Variants in ZNF613 observed in about 807,000 individuals in gnomAD.
ZNF613 encodes zinc finger protein 613.
Under a neutral mutation model 14.3 loss-of-function variants are expected in ZNF613, and 8 were observed. That is an observed-to-expected ratio of 0.56 (90% CI 0.33 to 1.01). The LOEUF (loss-of-function observed/expected upper bound fraction) is 1.01, where lower values mean the gene tolerates loss of function less well. Among genes scored for constraint, ZNF613 ranks in the 50% least tolerant of loss-of-function variants. ZNF613 has a pLI of 0.03. For synonymous variants in ZNF613, 228 were observed against 254.5 expected (o/e 0.90, Z 0.99); for missense variants, 656 against 741.9 (o/e 0.88, Z 1.35).
chr19:51,944,469 C>G lies in ZNF613; in HGVS notation c.586C>G (p.Arg196Gly). Reference sequence around the variant, plus strand: ...AAATTCACAATTCATTAAGCATCAGCGAACTCAAAACATAGATAAACCCCA... The same window carrying G: ...AAATTCACAATTCATTAAGCATCAGGGAACTCAAAACATAGATAAACCCCA... The part of the protein sequence containing the change: ...NTNSQFIKHQ[R>G]TQNIDKPHVC... The change falls in exon 6 of 6, where the codon CGA becomes GGA. Residue 196 changes from arginine to glycine, a missense_variant. By Grantham distance (125) the Arg-to-Gly change is moderately radical (BLOSUM62 -2). Coordinates refer to ENST00000293471, the MANE Select transcript of ZNF613 (RefSeq NM_001031721.4). The G allele has an allele frequency of 6.2e-7, 1 of 1,602,670 alleles. No individual in the cohort carries two copies. Among genetic ancestry groups the G allele is most frequent in the Non-Finnish European group, 8.5e-7 (1 of 1,172,134 alleles).
chr19:51,939,694 T>C (rs1045677421), intron 3 of ZNF613, among the ~76,000 whole-genome samples: 1 of 152,176 alleles, frequency 6.6e-6, no homozygotes, highest in Non-Finnish European at 1.5e-5. Context: ...AATTGTCTCT[T>C]GTTCTTTGGA....
At chr19:51,930,207 A>C (rs993325731) in intron 2 of ZNF613, among the ~76,000 whole-genome samples, 3 of 151,504 alleles carry the variant, frequency 2.0e-5, no homozygotes, top group African/African-American at 7.3e-5. Context: ...ATTTCATTTC[A>C]TGTAAACGCT....
intron 5 of ZNF613, chr19:51,942,807 T>G (rs2085361632): frequency 6.6e-6 from 1 of 152,202 alleles, no homozygotes; most frequent in Non-Finnish European, 1.5e-5. Flanking sequence ...CAAGCGATTC[T>G]CCTGCTTCAG....
chr19:51,932,587 G>A (rs943040799), intron 2 of ZNF613, among the ~76,000 whole-genome samples: 2 of 151,918 alleles, frequency 1.3e-5, no homozygotes, highest in Non-Finnish European at 2.9e-5. Flanking sequence ...GTGAGCCACC[G>A]CACCAGGCCA....
At position 51,946,567 on chromosome 19, in the gene ZNF613, G is replaced by GT. The variant is rs1257953273; in HGVS notation, c.*833dup. On this transcript the variant is annotated 3_prime_UTR_variant, in exon 6 of 6. Coordinates refer to ENST00000293471, the MANE Select transcript of ZNF613 (RefSeq NM_001031721.4). Reference sequence around the variant, plus strand: ...AATGTAACACAACAAGTTTGGATGTGTTTAACTTTATAAATAATCACCCCA... The same window carrying GT: ...AATGTAACACAACAAGTTTGGATGTGTTTTAACTTTATAAATAATCACCCCA... The GT allele has an allele frequency of 2.0e-5, 3 of 147,936 alleles. No homozygotes were observed. The highest frequency in any genetic ancestry group is 7.8e-5 in the African/African-American group (3 of 38,406). The allele number at this position is 147,936 out of a possible 1,614,324, so 9.2% of individuals were successfully genotyped here.
intron 1 of ZNF613, among the ~76,000 whole-genome samples, chr19:51,928,759 G>A (rs566660291): frequency 6.6e-6 from 1 of 151,842 alleles, no homozygotes; most frequent in South Asian, 2.1e-4. Flanking sequence ...GGAGGCTGAG[G>A]TGGGACGATC....
Position 51,936,099 on chromosome 19 carries a change from A to G in ZNF613, c.-122A>G, listed in dbSNP as rs1259953463. ...GAGGAGGTTCCAGGACCTGGATACC[A>G]TCCTTTGCAGGGATGTAATTCACCA... On this transcript the variant is annotated 5_prime_UTR_variant, in exon 3 of 6. Transcript: ENST00000293471. 3 of 1,044,622 alleles carry G rather than the reference A, an allele frequency of 2.9e-6. No homozygotes were observed. The East Asian group carries it at 7.6e-5, about 27-fold the overall frequency. 64.7% of individuals were successfully genotyped at this position (1,044,622 alleles called of 1,614,324 possible).
chr19:51,933,721 G>C (rs911631290), intron 2 of ZNF613, among the ~76,000 whole-genome samples: 1 of 152,318 alleles, frequency 6.6e-6, no homozygotes, highest in East Asian at 1.9e-4. Context: ...AGCTGGGGAG[G>C]GGGTGGAGCA....
In ZNF613 at chr19:51,940,684, T is replaced by C; in HGVS notation, c.210T>C (p.Asn70=). The C allele has an allele frequency of 1.2e-6, 2 of 1,613,022 alleles. No individual in the cohort carries two copies. Among genetic ancestry groups the C allele is most frequent in the Non-Finnish European group, 8.5e-7 (1 of 1,179,516 alleles). ...AAGGAGAGCCATGGACAGTAGAAAA[T>C]GAAATCCACAGCCAAATCTGTCCAG... ...LEQGEPWTVE[N]EIHSQICPEI... Residue 70 remains asparagine, a synonymous_variant, in exon 5 of 6, where the codon AAT becomes AAC. Coordinates refer to ENST00000293471, the MANE Select transcript of ZNF613 (RefSeq NM_001031721.4).
In ZNF613 at chr19:51,944,187, C is replaced by A; in HGVS notation, c.304C>A (p.Gln102Lys). ...QKQRCLKRVE[Q>K]CHKHNAFGNI... is the part of the protein sequence containing the mutation. ...GCAAAGATGTCTGAAGAGAGTGGAA[C>A]AATGCCATAAACATAATGCATTTGG... The change falls in exon 6 of 6, where the codon CAA (glutamine) becomes AAA (lysine). Residue 102 changes from glutamine (Q) to lysine (K), a missense_variant. Gln to Lys is a moderately conservative substitution (Grantham distance 53, BLOSUM62 1). Transcript: ENST00000293471. 1.3e-6 allele frequency: 2 copies of A among 1,595,238 alleles called. No homozygotes were observed. Among genetic ancestry groups the A allele is most frequent in the Non-Finnish European group, 8.5e-7 (1 of 1,169,896 alleles).
intron 1 of ZNF613, among the ~76,000 whole-genome samples, chr19:51,929,036 C>T (rs2085242882): frequency 6.6e-6 from 1 of 152,078 alleles, no homozygotes; most frequent in Admixed American, 6.6e-5. Context: ...TCTCTCTTAT[C>T]CCAAAATGTG....
chr19:51,932,330 A>G (rs2122807048), intron 2 of ZNF613, among the ~76,000 whole-genome samples: 1 of 108,904 alleles, frequency 9.2e-6, no homozygotes, highest in South Asian at 3.1e-4. Flanking sequence ...TTTTTTTGAG[A>G]CAGAGTTTCA....
Position 51,944,123 on chromosome 19 carries a change from C to A in ZNF613, c.240C>A (p.Ile80=). 6.6e-7 allele frequency: 1 copy of A among 1,521,890 alleles called. No individual in the cohort carries two copies. Among genetic ancestry groups the A allele is most frequent in the South Asian group, 1.3e-5 (1 of 75,944 alleles). 94.3% of individuals were successfully genotyped at this position (1,521,890 alleles called of 1,614,324 possible). A position where few individuals can be genotyped will look rare whatever the true frequency, so the allele number is the denominator to read the frequency against. ...TATTGTTCTCTTCTTTCCTAGAAAT[C>A]AAGAAAGTTGACAATCATCTACAGA... ...NEIHSQICPE[I]KKVDNHLQMH... is the part of the protein sequence containing the mutation. The change falls in exon 6 of 6, where the codon ATC becomes ATA. Residue 80 remains isoleucine (I), a synonymous_variant. Coordinates refer to ENST00000293471, the MANE Select transcript of ZNF613 (RefSeq NM_001031721.4).
chr19:51,937,972 C>A (rs903695861), intron 3 of ZNF613, among the ~76,000 whole-genome samples: 5 of 151,924 alleles, frequency 3.3e-5, no homozygotes, highest in Non-Finnish European at 5.9e-5. Context: ...CTCAAATGAT[C>A]CTCCCACCTC....
At chr19:51,943,997 C>G in intron 5 of ZNF613, 122 bp from the exon 6 acceptor site, 1 of 643,688 alleles carries the variant, frequency 1.6e-6, no homozygotes. Flanking sequence ...ATAGGCATAT[C>G]TACTTGGAGT....
chr19:51,945,717 A>G lies in ZNF613; in HGVS notation c.1834A>G (p.Ser612Gly). The G allele has an allele frequency of 6.2e-7, 1 of 1,614,172 alleles. No individual in the cohort carries two copies. The highest frequency in any genetic ancestry group is 2.2e-5 in the East Asian group (1 of 44,886). ...PVARSSVSADSRICTE is the reference protein window; with the variant it reads ...PVARSSVSADGRICTE ...TGCCAGAAGTTCAGTCTCAGCAGAT[A>G]GTAGAATTTGCACAGAATAAAAACC... The change falls in exon 6 of 6, where the codon AGT becomes GGT. Residue 612 changes from serine (S) to glycine (G), a missense_variant. Physicochemically the swap from Ser to Gly is moderately conservative, Grantham distance 56. Coordinates refer to ENST00000293471, the MANE Select transcript of ZNF613 (RefSeq NM_001031721.4).
intron 3 of ZNF613, among the ~76,000 whole-genome samples, chr19:51,936,954 A>G (rs961155392): frequency 8.5e-5 from 13 of 152,184 alleles, no homozygotes; most frequent in African/African-American, 2.9e-4. Flanking sequence ...CCAGTGGCCA[A>G]TGATTTATTC....
intron 2 of ZNF613, among the ~76,000 whole-genome samples, chr19:51,930,258 A>G (rs117701872): frequency 0.013 from 1,972 of 151,662 alleles, 102 homozygotes; most frequent in Admixed American, 0.1. Context: ...TTTCTTTCAC[A>G]TAGCATAATT....
intron 5 of ZNF613, chr19:51,942,813 T>C (rs7248671): frequency 0.16 from 24,821 of 152,188 alleles, 2,656 homozygotes; most frequent in African/African-American, 0.3. Context: ...ATTCTCCTGC[T>C]TCAGCCTCCC....
Sources: gnomAD v4.1 joint callset for allele counts (sites outside exome capture counted in the v4.1 genomes callset) on GRCh38, gnomAD v4.1.1 for gene constraint, MANE v1.5 for transcripts, NCBI Gene and HGNC (gene_info 2026-07-23, HGNC 2026-07-21) for gene names.